The following N4BP2 variants were observed in gnomAD, a reference collection of about 807,000 sequenced individuals.
N4BP2 encodes the protein NEDD4-binding protein 2.
A neutral mutation model predicts 152.8 loss-of-function variants in N4BP2; 91 were observed. The ratio of observed to expected loss-of-function variants is 0.60; its 90% CI spans 0.50 to 0.71. N4BP2 has a LOEUF of 0.71. Ranked by LOEUF, N4BP2 falls within the 30% of genes least tolerant of loss-of-function variation. The pLI, the probability that N4BP2 is intolerant of heterozygous loss-of-function variation, is 0.00. For missense variants in N4BP2, 1,923 were observed against 2,059.1 expected (o/e 0.93, Z 1.28); for synonymous variants, 646 against 705.3 (o/e 0.92, Z 1.33).
chr4:40,166,996 A>G, the N4BP2 span: 1 of 152,248 alleles, frequency 6.6e-6, no homozygotes, highest in African/African-American at 2.4e-5. Context: ...ATTTTGAAAC[A>G]TAGTGAAAAT....
Position 40,121,178 on chromosome 4 carries a change from G to C in N4BP2, c.3067G>C (p.Ala1023Pro). The C allele has an allele frequency of 6.2e-7, 1 of 1,614,096 alleles. No individual in the cohort carries two copies. Among genetic ancestry groups the C allele is most frequent in the Non-Finnish European group, 8.5e-7 (1 of 1,180,034 alleles). The change falls in exon 9 of 18, where the codon GCT becomes CCT. Residue 1023 changes from alanine to proline, a missense_variant. Physicochemically the swap from Ala to Pro is conservative, Grantham distance 27. Coordinates refer to ENST00000261435, the MANE Select transcript of N4BP2 (RefSeq NM_018177.6). ...MCTQTEPQDF[A>P]LLWKIEKNKI... The stretch of plus-strand genomic sequence containing the variant: ...CACCCAGACTGAACCACAGGATTTT[G>C]CTCTTTTATGGAAAATAGAAAAGAA...
intron 1 of N4BP2, among the ~76,000 whole-genome samples, chr4:40,070,134 A>G (rs1239853415): frequency 6.6e-6 from 1 of 152,134 alleles, no homozygotes; most frequent in East Asian, 1.9e-4. Context: ...TGCTTGATTC[A>G]ACAATTGTTA....
intron 14 of N4BP2, among the ~76,000 whole-genome samples, chr4:40,141,902 A>G (rs1720020955): frequency 6.6e-6 from 1 of 152,216 alleles, no homozygotes; most frequent in South Asian, 2.1e-4. Flanking sequence ...CCCGGCCAAC[A>G]CAGCGAAACC....
intron 16 of N4BP2, among the ~76,000 whole-genome samples, chr4:40,151,210 A>G (rs974389143): frequency 2.6e-5 from 4 of 152,220 alleles, no homozygotes; most frequent in Non-Finnish European, 5.9e-5. Context: ...GACCTAAGTG[A>G]TAAGGGGAGC....
chr4:40,164,314 A>G, the N4BP2 span, among the ~76,000 whole-genome samples: 267 of 152,294 alleles, frequency 1.8e-3, no homozygotes, highest in African/African-American at 6.0e-3. Context: ...CAGAGTTCAG[A>G]ATATTAGGAT....
At chr4:40,170,097 TA>T in the N4BP2 span, among the ~76,000 whole-genome samples, 1 of 151,774 alleles carries the variant, frequency 6.6e-6, no homozygotes, top group African/African-American at 2.4e-5. Flanking sequence ...AATTTGAGGG[TA>T]AAAAGCTTTT....
Position 40,102,679 on chromosome 4 carries a change from A to C in N4BP2, c.834A>C (p.Gln278His). Residue 278 changes from glutamine (Q) to histidine (H), a missense_variant, in exon 4 of 18, where the codon CAA becomes CAC. Transcript: ENST00000261435. Reference sequence around the variant, plus strand: ...TAGAATCTGAGTGCGTTGAGGCTCAATTCTCTGAAGCTCCTGTAGATTTGG... The same window carrying C: ...TAGAATCTGAGTGCGTTGAGGCTCACTTCTCTGAAGCTCCTGTAGATTTGG... ...ELLESECVEA[Q>H]FSEAPVDLDA... 1 of 1,614,170 alleles carries C rather than the reference A, an allele frequency of 6.2e-7. No homozygotes were observed. The highest frequency in any genetic ancestry group is 8.5e-7 in the Non-Finnish European group (1 of 1,180,038).
chr4:40,149,468 G>T (rs934410977), intron 16 of N4BP2, among the ~76,000 whole-genome samples: 2 of 152,190 alleles, frequency 1.3e-5, no homozygotes, highest in Non-Finnish European at 2.9e-5. Flanking sequence ...GAATTTCTTT[G>T]TGAAATGATG....
At chr4:40,132,486 A>G (rs887336639) in intron 13 of N4BP2, among the ~76,000 whole-genome samples, 4 of 152,172 alleles carry the variant, frequency 2.6e-5, no homozygotes, top group Non-Finnish European at 5.9e-5. Context: ...AACCAAATGA[A>G]TGGATCATCT....
chr4:40,164,828 A>C, the N4BP2 span, among the ~76,000 whole-genome samples: 1 of 152,144 alleles, frequency 6.6e-6, no homozygotes, highest in Admixed American at 6.6e-5. Context: ...AGGCTTATAC[A>C]TTGCCCATTA....
chr4:40,180,940 G>A, the N4BP2 span, among the ~76,000 whole-genome samples: 2 of 151,992 alleles, frequency 1.3e-5, no homozygotes, highest in African/African-American at 2.4e-5. Flanking sequence ...TCATGAGGTC[G>A]GGAGTCCGAG....
rs963995721 is a variant in N4BP2, at chr4:40,152,904, G to A, written c.5267+1G>A. 6.2e-7 allele frequency: 1 copy of A among 1,613,838 alleles called. No individual in the cohort carries two copies. Among genetic ancestry groups the A allele is most frequent in the Non-Finnish European group, 8.5e-7 (1 of 1,179,862 alleles). ...AGTACCTCATAAGCCATAGCTTCAG[G>A]TGAGTGTAGATTTCTGTTATTAATA... On this transcript the variant is annotated splice_donor_variant, in intron 17 of 17. Transcript: ENST00000261435. LOFTEE classifies it high-confidence loss of function.
intron 14 of N4BP2, among the ~76,000 whole-genome samples, chr4:40,137,775 A>G (rs904468630): frequency 6.6e-6 from 1 of 152,126 alleles, no homozygotes; most frequent in African/African-American, 2.4e-5. Context: ...TTTGGTTTCT[A>G]TGGGAAGGAA....
chr4:40,112,216 A>G (rs777077442), intron 6 of N4BP2, 44 bp downstream of exon 6: 1 of 1,054,876 alleles, frequency 9.5e-7, no homozygotes. Flanking sequence ...GTTTGTATGC[A>G]ATTATTGGGG....
chr4:40,117,587 G>T (rs1717462315), intron 7 of N4BP2, among the ~76,000 whole-genome samples: 1 of 152,052 alleles, frequency 6.6e-6, no homozygotes, highest in South Asian at 2.1e-4. Context: ...TTTTGAAAAA[G>T]GCACTATGAG....
At chr4:40,077,636 T>C (rs1031353818) in intron 2 of N4BP2, among the ~76,000 whole-genome samples, 1 of 152,014 alleles carries the variant, frequency 6.6e-6, no homozygotes, top group African/African-American at 2.4e-5. Context: ...GTATTTTTAG[T>C]AGAGGTGGGG....
rs140798023 is a variant in N4BP2, at chr4:40,151,280, T to A, written c.5144-1500T>A. Among the ~76,000 whole-genome samples the A allele has an allele frequency of 2.4e-3, 361 of 152,256 alleles. 1 individual carries two copies. Among genetic ancestry groups the A allele is most frequent in the African/African-American group, 8.2e-3 (342 of 41,532 alleles). ...AGTTGGGCTTTTTTTGTAAGTAAAC[T>A]TTTTCTTTTTGAGATGGGAGTCTGG... On this transcript the variant is annotated intron_variant, in intron 16 of 17. Coordinates refer to ENST00000261435, the MANE Select transcript of N4BP2 (RefSeq NM_018177.6).
chr4:40,066,320 C>CCTTTTTT, intron 1 of N4BP2, among the ~76,000 whole-genome samples: 1 of 129,068 alleles, frequency 7.7e-6, no homozygotes, highest in Non-Finnish European at 1.6e-5. Flanking sequence ...GTGATTTTCC[C>CCTTTTTT]TTTTTTTTTT....
intron 8 of N4BP2, among the ~76,000 whole-genome samples, chr4:40,118,356 C>T (rs77218447): frequency 0.065 from 9,921 of 152,102 alleles, 398 homozygotes; most frequent in Non-Finnish European, 0.085. Context: ...GCAGAGGTTG[C>T]GGTGAGCTGA....
Sources: gnomAD v4.1 joint callset for allele counts (sites outside exome capture counted in the v4.1 genomes callset) on GRCh38, gnomAD v4.1.1 for gene constraint, MANE v1.5 for transcripts, NCBI Gene and HGNC (gene_info 2026-07-23, HGNC 2026-07-21) for gene names.